The following FAM174A variants were observed in gnomAD, a reference collection of about 807,000 sequenced individuals.
FAM174A encodes the protein family with sequence similarity 174 member A, also known as membrane protein FAM174A.
In FAM174A, 14 loss-of-function variants were observed where a neutral mutation model predicts 14.3. The observed-to-expected ratio is 0.98, with a 90% CI of 0.65 to 1.53. The LOEUF is 1.53. Ranked by LOEUF, FAM174A falls within the 40% of genes most tolerant of loss-of-function variation. The pLI, the probability that FAM174A is intolerant of heterozygous loss-of-function variation, is 0.00. For synonymous variants in FAM174A, 108 were observed against 111.4 expected (o/e 0.97, Z 0.19); for missense variants, 241 against 249.6 (o/e 0.97, Z 0.23).
intron 2 of FAM174A, among the ~76,000 whole-genome samples, chr5:100,573,132 A>T (rs897589870): frequency 2.6e-5 from 4 of 151,916 alleles, no homozygotes; most frequent in Admixed American, 6.6e-5. Context: ...GTTTGAGTTC[A>T]TTGTAGATTC....
rs1393473365 is a variant in FAM174A, at chr5:100,556,088, AG to A, written c.435-5965del. Among the ~76,000 whole-genome samples, 3 of 152,206 alleles carry A rather than the reference AG, an allele frequency of 2.0e-5. No individual in the cohort carries two copies. The East Asian group carries it at 5.8e-4, about 29-fold the overall frequency. ...TTTATGGTTTTAGGTCTAACATTTA[AG>A]TCCTTAATCCATCTTGAATTAATTT... is the stretch of plus-strand genomic sequence containing the variant. On this transcript the variant is annotated intron_variant, in intron 1 of 2. Transcript: ENST00000312637.
intron 1 of FAM174A, among the ~76,000 whole-genome samples, chr5:100,555,482 T>C (rs1746356219): frequency 6.6e-6 from 1 of 152,144 alleles, no homozygotes; most frequent in Admixed American, 6.6e-5. Context: ...TTTCTAGTTC[T>C]AGATCCCTGA....
chr5:100,555,602 C>A (rs1268436650), intron 1 of FAM174A, among the ~76,000 whole-genome samples: 1 of 151,964 alleles, frequency 6.6e-6, no homozygotes, highest in African/African-American at 2.4e-5. Context: ...TGTTTCCTGA[C>A]TTTTGAATGA....
chr5:100,570,864 A>T (rs1440177551), intron 2 of FAM174A, among the ~76,000 whole-genome samples: 2 of 151,960 alleles, frequency 1.3e-5, no homozygotes, highest in African/African-American at 2.4e-5. Flanking sequence ...TAAATTTCTT[A>T]CTATTTCTAG....
chr5:100,548,834 T>G (rs1433707585), intron 1 of FAM174A, among the ~76,000 whole-genome samples: 3 of 152,170 alleles, frequency 2.0e-5, no homozygotes, highest in African/African-American at 7.2e-5. Context: ...ACAATTTATC[T>G]GAGGAGTTTT....
chr5:100,559,177 T>C (rs1206821644), intron 1 of FAM174A, among the ~76,000 whole-genome samples: 5 of 152,142 alleles, frequency 3.3e-5, no homozygotes, highest in Non-Finnish European at 7.4e-5. Flanking sequence ...TAAAGTATTT[T>C]ATTTCTCCTT....
intron 1 of FAM174A, among the ~76,000 whole-genome samples, chr5:100,544,644 CATG>C (rs1452019060): frequency 6.6e-6 from 1 of 152,116 alleles, no homozygotes; most frequent in Non-Finnish European, 1.5e-5. Flanking sequence ...ACTGGAGCCT[CATG>C]ATATATGCTT....
At chr5:100,579,750 A>G (rs1055039555) in intron 2 of FAM174A, among the ~76,000 whole-genome samples, 2 of 152,124 alleles carry the variant, frequency 1.3e-5, no homozygotes, top group Non-Finnish European at 2.9e-5. Context: ...TTATACAAGA[A>G]TTGTGCACAC....
intron 1 of FAM174A, among the ~76,000 whole-genome samples, chr5:100,544,325 C>A (rs1424554316): frequency 1.3e-5 from 2 of 151,804 alleles, no homozygotes; most frequent in African/African-American, 4.8e-5. Flanking sequence ...CCCTGCATCC[C>A]GGAAACAGTT....
At chr5:100,536,008 C>G in intron 1 of FAM174A, 44 bp downstream of exon 1, 3 of 1,502,684 alleles carry the variant, frequency 2.0e-6, no homozygotes, top group East Asian at 2.3e-5. Flanking sequence ...GCCTGAGATA[C>G]GCAGGCCGGT....
chr5:100,563,955 T>C (rs1251755371), intron 2 of FAM174A, among the ~76,000 whole-genome samples: 1 of 151,870 alleles, frequency 6.6e-6, no homozygotes, highest in African/African-American at 2.4e-5. Flanking sequence ...TCAGAGATGT[T>C]TGGGTCATGG....
chr5:100,571,668 G>GTA (rs1479789613), intron 2 of FAM174A, among the ~76,000 whole-genome samples: 39 of 99,886 alleles, frequency 3.9e-4, no homozygotes, highest in African/African-American at 1.9e-3. Context: ...CTAAGTGTGT[G>GTA]TGTGTATATA....
At chr5:100,549,056 C>T (rs1746214476) in intron 1 of FAM174A, among the ~76,000 whole-genome samples, 1 of 151,956 alleles carries the variant, frequency 6.6e-6, no homozygotes, top group Admixed American at 6.6e-5. Context: ...GTATATACCT[C>T]TGTGGTACCT....
At chr5:100,567,372 C>A (rs544290937) in intron 2 of FAM174A, among the ~76,000 whole-genome samples, 4 of 151,702 alleles carry the variant, frequency 2.6e-5, no homozygotes, top group African/African-American at 9.7e-5. Flanking sequence ...CAAAACAAAA[C>A]AAAACAAAAA....
intron 1 of FAM174A, among the ~76,000 whole-genome samples, chr5:100,537,794 A>C (rs1009733530): frequency 2.0e-5 from 3 of 152,224 alleles, no homozygotes; most frequent in African/African-American, 7.2e-5. Context: ...TCCTATAAAA[A>C]TGCATGGCCC....
At chr5:100,566,235 A>G (rs1486587285) in intron 2 of FAM174A, among the ~76,000 whole-genome samples, 1 of 148,654 alleles carries the variant, frequency 6.7e-6, no homozygotes, top group Non-Finnish European at 1.5e-5. Flanking sequence ...CCTTAAAAAA[A>G]AGAAAATCTG....
chr5:100,539,181 G>T (rs1429804131), intron 1 of FAM174A, among the ~76,000 whole-genome samples: 1 of 151,994 alleles, frequency 6.6e-6, no homozygotes, highest in Admixed American at 6.6e-5. Flanking sequence ...AATTTATTAT[G>T]ATAGCCTTTA....
chr5:100,572,074 G>A (rs540264777), intron 2 of FAM174A, among the ~76,000 whole-genome samples: 2 of 151,902 alleles, frequency 1.3e-5, no homozygotes, highest in East Asian at 1.9e-4. Context: ...AAGAACTGTT[G>A]AAAGTTTTAC....
intron 1 of FAM174A, among the ~76,000 whole-genome samples, chr5:100,556,214 C>A (rs1305254395): frequency 6.6e-6 from 1 of 152,126 alleles, no homozygotes; most frequent in Non-Finnish European, 1.5e-5. Context: ...TTCCCCATTT[C>A]TTGTTTTTGT....
Sources: allele counts gnomAD v4.1 joint callset (sites outside exome capture counted in the v4.1 genomes callset), GRCh38; gene constraint gnomAD v4.1.1; transcripts MANE v1.5; gene names NCBI Gene and HGNC (gene_info 2026-07-23, HGNC 2026-07-21).